DOCK11: variants seen among roughly 807,000 people sequenced by gnomAD.
The protein encoded by DOCK11 is dedicator of cytokinesis 11, also known as dedicator of cytokinesis protein 11.
DOCK11 carries 70 observed loss-of-function variants against 169.1 expected under a neutral mutation model. The observed-to-expected ratio is 0.41, with a 90% confidence interval of 0.34 to 0.51. The LOEUF (loss-of-function observed/expected upper bound fraction) is 0.51, where lower values mean the gene tolerates loss of function less well. Among genes scored for constraint, DOCK11 ranks in the 20% least tolerant of loss-of-function variants. The pLI, the probability that DOCK11 is intolerant of heterozygous loss-of-function variation, is 0.10. For synonymous variants in DOCK11, 529 were observed against 541.3 expected (o/e 0.98, Z 0.32); for missense variants, 1,166 against 1,538.8 (o/e 0.76, Z 4.05).
intron 30 of DOCK11, among the ~76,000 whole-genome samples, chrX:118,617,306 A>G (rs1052305798): frequency 9.1e-6 from 1 of 109,488 alleles, no homozygotes; most frequent in Admixed American, 9.8e-5. Flanking sequence ...CGTGGCCAAT[A>G]TGGTGAAATC....
intron 1 of DOCK11, among the ~76,000 whole-genome samples, chrX:118,540,182 G>T (rs1412394242): frequency 9.0e-6 from 1 of 110,558 alleles, no homozygotes; most frequent in East Asian, 2.8e-4. Context: ...GAAGTTGACA[G>T]ATTCAACAGG....
chrX:118,495,843 G>C lies in DOCK11; in HGVS notation c.-129G>C. 4.5e-6 allele frequency: 1 copy of C among 223,632 alleles called. No individual in the cohort carries two copies. Among genetic ancestry groups the C allele is most frequent in the African/African-American group, 3.0e-5 (1 of 33,589 alleles). The allele number at this position is 223,632 out of a possible 1,213,427, so 18.4% of individuals were successfully genotyped here. On this transcript the variant is annotated 5_prime_UTR_variant, in exon 1 of 53. Transcript: ENST00000276202. ...GTGAGCCGCGCCGCCGCCGAGCTGC[G>C]ATGTGGCCGGCCGGCCGGCGAGTAA...
chrX:118,627,092 G>T (rs1222758458), intron 32 of DOCK11, among the ~76,000 whole-genome samples: 1 of 111,958 alleles, frequency 8.9e-6, no homozygotes, highest in East Asian at 2.8e-4. Flanking sequence ...GCTGGGTGTG[G>T]TGGTGTATAC....
At chrX:118,562,745 C>T (rs1228290524) in intron 7 of DOCK11, among the ~76,000 whole-genome samples, 1 of 112,070 alleles carries the variant, frequency 8.9e-6, no homozygotes, top group Non-Finnish European at 1.9e-5. Context: ...CCGTTTGAAC[C>T]TTATCTTTTA....
intron 41 of DOCK11, among the ~76,000 whole-genome samples, chrX:118,649,465 A>C (rs941344666): frequency 1.8e-5 from 2 of 112,235 alleles, no homozygotes; most frequent in Non-Finnish European, 3.8e-5. Flanking sequence ...ATTTCTATGG[A>C]ATAGAGCTGC....
chrX:118,663,166 A>T (rs1027212248), intron 45 of DOCK11, among the ~76,000 whole-genome samples: 5 of 112,171 alleles, frequency 4.5e-5, no homozygotes, highest in Non-Finnish European at 9.4e-5. Context: ...CACCACATGG[A>T]TAGAAAACAG....
At position 118,606,316 on chromosome X, in the gene DOCK11, G is replaced by A. The variant is rs148387403; in HGVS notation, c.2681+960G>A. On this transcript the variant is annotated intron_variant, in intron 24 of 52. Coordinates refer to ENST00000276202, the MANE Select transcript of DOCK11 (RefSeq NM_144658.4). ...ACTCCTGATCTCAGGCGATCCATCC[G>A]CCTCGGCCTCCCAGTGCTGGGATTA... Among the ~76,000 whole-genome samples the A allele has an allele frequency of 1.1e-3, 117 of 111,370 alleles. 1 individual carries two copies. In the East Asian group the frequency reaches 0.013, roughly 13 times the overall value.
At chrX:118,598,453 G>T (rs183109981) in intron 22 of DOCK11, among the ~76,000 whole-genome samples, 18 of 109,563 alleles carry the variant, frequency 1.6e-4, no homozygotes, top group African/African-American at 6.0e-4. Context: ...CAAATTACAT[G>T]ATCTTTTAAT....
chrX:118,641,908 C>G (rs775909049), intron 39 of DOCK11, among the ~76,000 whole-genome samples: 68 of 110,956 alleles, frequency 6.1e-4, no homozygotes, highest in African/African-American at 2.1e-3. Flanking sequence ...GCTTTCACTT[C>G]AGTTATACAG....
intron 50 of DOCK11, 50 bp downstream of exon 50, chrX:118,681,298 GTTTT>G: frequency 9.5e-7 from 1 of 1,057,983 alleles, no homozygotes. Context: ...GTTTCTTTTG[GTTTT>G]ATAAGGGCAC....
intron 6 of DOCK11, among the ~76,000 whole-genome samples, chrX:118,555,958 T>G (rs1603059416): frequency 9.0e-6 from 1 of 111,572 alleles, no homozygotes; most frequent in East Asian, 2.8e-4. Context: ...TAGCAGTAAA[T>G]AATTACCCCT....
chrX:118,601,925 C>T (rs757675806), intron 23 of DOCK11, among the ~76,000 whole-genome samples: 112 of 107,722 alleles, frequency 1.0e-3, no homozygotes, highest in African/African-American at 3.6e-3. Context: ...CTACAGGCGC[C>T]CGCCACCATG....
At chrX:118,522,244 C>T (rs957652841) in intron 1 of DOCK11, among the ~76,000 whole-genome samples, 12 of 110,427 alleles carry the variant, frequency 1.1e-4, no homozygotes, top group African/African-American at 4.0e-4. Context: ...TGCTTGAACC[C>T]AGGGGGCGGA....
intron 3 of DOCK11, 136 bp from the exon 4 acceptor site, chrX:118,543,375 C>T: frequency 2.1e-6 from 1 of 471,802 alleles, no homozygotes; most frequent in Admixed American, 3.7e-5. Context: ...CACAGTTAAC[C>T]CATAAAGGAA....
intron 1 of DOCK11, among the ~76,000 whole-genome samples, chrX:118,512,637 A>G (rs2057657042): frequency 8.9e-6 from 1 of 112,049 alleles, no homozygotes; most frequent in Non-Finnish European, 1.9e-5. Flanking sequence ...CTCCAACTTC[A>G]ATGGAGGTCA....
chrX:118,574,702 C>T (rs1225137182), intron 12 of DOCK11, among the ~76,000 whole-genome samples: 1 of 111,952 alleles, frequency 8.9e-6, no homozygotes, highest in African/African-American at 3.2e-5. Context: ...ACTCTCCCAC[C>T]CCTGATTTTC....
intron 23 of DOCK11, among the ~76,000 whole-genome samples, chrX:118,604,056 C>T (rs186568993): frequency 1.8e-5 from 2 of 111,625 alleles, no homozygotes; most frequent in East Asian, 5.6e-4. Context: ...TCTGTGTGTG[C>T]GTCGTAGGAT....
chrX:118,639,713 A>G (rs2015481592), intron 38 of DOCK11, 136 bp downstream of exon 38: 3 of 643,103 alleles, frequency 4.7e-6, no homozygotes, highest in Non-Finnish European at 6.8e-6. Context: ...TATCACCTGT[A>G]TCCCTTAAAT....
intron 4 of DOCK11, among the ~76,000 whole-genome samples, chrX:118,544,715 C>T (rs2012188975): frequency 1.2e-5 from 1 of 81,921 alleles, no homozygotes; most frequent in African/African-American, 4.8e-5. Context: ...GGCTGGAGTG[C>T]AGTGGCGCGA....
Sources: allele counts gnomAD v4.1 joint callset (sites outside exome capture counted in the v4.1 genomes callset), GRCh38; gene constraint gnomAD v4.1.1; transcripts MANE v1.5; gene names NCBI Gene and HGNC (gene_info 2026-07-23, HGNC 2026-07-21).